Variants in MCF2L2 observed in about 807,000 individuals in gnomAD.
MCF2L2 encodes the protein probable guanine nucleotide exchange factor MCF2L2.
A neutral mutation model predicts 150.2 loss-of-function variants in MCF2L2; 102 were observed. The ratio of observed to expected loss-of-function variants is 0.68; its 90% confidence interval spans 0.58 to 0.80. MCF2L2 has a LOEUF of 0.80. Ranked by LOEUF, MCF2L2 falls within the 30% of genes least tolerant of loss-of-function variation. The probability of loss-of-function intolerance (pLI) is 0.00; values close to 1 mark genes in which losing one functional copy is unlikely to be tolerated. For missense variants in MCF2L2, 1,256 were observed against 1,372.8 expected, an observed-to-expected ratio of 0.91 and a Z score of 1.34; for synonymous variants, 465 against 491.3, an observed-to-expected ratio of 0.95 and a Z score of 0.71.
chr3:183,413,155 T>A (rs1465249633), intron 1 of MCF2L2, among the ~76,000 whole-genome samples: 1 of 152,182 alleles, frequency 6.6e-6, no homozygotes, highest in Non-Finnish European at 1.5e-5. Flanking sequence ...GTATCTATAG[T>A]TGACCTTTGA....
At chr3:183,338,632 A>T (rs148857084) in intron 5 of MCF2L2, among the ~76,000 whole-genome samples, 168 bp downstream of exon 5, 2 of 152,096 alleles carry the variant, frequency 1.3e-5, no homozygotes, top group African/African-American at 4.8e-5. Flanking sequence ...GCCTCAGTCC[A>T]TTGTGTACTT....
intron 14 of MCF2L2, chr3:183,287,430 C>T (rs2108475786): frequency 6.6e-6 from 1 of 152,308 alleles, no homozygotes; most frequent in South Asian, 2.1e-4. Flanking sequence ...ACACAGTCCT[C>T]ACCTTCAGAG....
intron 27 of MCF2L2, 145 bp from the exon 28 acceptor site, chr3:183,180,304 T>A (rs2108625894): frequency 3.2e-6 from 2 of 633,262 alleles, no homozygotes; most frequent in East Asian, 5.2e-5. Context: ...TGCACTGCGC[T>A]GGGCTGTGAG....
At chr3:183,372,820 G>A (rs944981910) in intron 3 of MCF2L2, 1 of 152,300 alleles carries the variant, frequency 6.6e-6, no homozygotes, top group East Asian at 1.9e-4. Flanking sequence ...CCCAGAACTG[G>A]AAGTTAAAAT....
At chr3:183,365,153 C>A (rs1347869146) in intron 3 of MCF2L2, among the ~76,000 whole-genome samples, 2 of 152,064 alleles carry the variant, frequency 1.3e-5, no homozygotes, top group African/African-American at 4.8e-5. Context: ...AAAACTATGT[C>A]AGAAAAAAAT....
At chr3:183,368,925 T>A (rs1036236907) in intron 3 of MCF2L2, among the ~76,000 whole-genome samples, 1 of 152,202 alleles carries the variant, frequency 6.6e-6, no homozygotes, top group African/African-American at 2.4e-5. Flanking sequence ...TATGAACCCA[T>A]GAAATTCATA....
At chr3:183,354,170 A>G (rs149820895) in intron 3 of MCF2L2, among the ~76,000 whole-genome samples, 68 of 152,344 alleles carry the variant, frequency 4.5e-4, no homozygotes, top group African/African-American at 1.6e-3. Context: ...CTTTATAGCA[A>G]TAAGATGCCA....
rs73062721 is a variant in MCF2L2 at position 183,366,573 on chromosome 3, G to A, written c.275+12724C>T. 7.7e-3 allele frequency among the ~76,000 whole-genome samples: 1,167 copies of A among 152,248 alleles called. 17 individuals carry two copies. The highest frequency in any genetic ancestry group is 0.026 in the African/African-American group (1,095 of 41,542). ...GGCAGGAGAATCGCTGGAACCCAGC[G>A]GGGCAAAGGCTGCAGTGAGCCGAGA... On this transcript the variant is annotated intron_variant, in intron 3 of 29. Transcript: ENST00000328913.
At chr3:183,315,782 C>T (rs1729578746) in intron 7 of MCF2L2, among the ~76,000 whole-genome samples, 1 of 152,204 alleles carries the variant, frequency 6.6e-6, no homozygotes, top group African/African-American at 2.4e-5. Flanking sequence ...CCTGTCCCCA[C>T]CCCTCTGCCT....
chr3:183,228,665 C>T (rs949201263), intron 17 of MCF2L2, among the ~76,000 whole-genome samples: 18 of 152,232 alleles, frequency 1.2e-4, no homozygotes, highest in African/African-American at 4.3e-4. Flanking sequence ...GAAATGAGAA[C>T]TACTCAGAAG....
intron 14 of MCF2L2, among the ~76,000 whole-genome samples, chr3:183,288,031 G>A (rs190167211): frequency 1.3e-5 from 2 of 152,308 alleles, no homozygotes; most frequent in Admixed American, 6.5e-5. Flanking sequence ...GAACCCCTTC[G>A]GGGGCTGCTA....
intron 3 of MCF2L2, among the ~76,000 whole-genome samples, chr3:183,359,003 G>GTTTTTTTTTTTTTT (rs111465269): frequency 7.0e-6 from 1 of 143,372 alleles, no homozygotes; most frequent in African/African-American, 2.6e-5. Context: ...AGTTCATTGG[G>GTTTTTTTTTTTTTT]TTTTTTTTTT....
chr3:183,331,243 C>T (rs973793717), intron 5 of MCF2L2, among the ~76,000 whole-genome samples: 3 of 152,186 alleles, frequency 2.0e-5, no homozygotes, highest in Admixed American at 6.5e-5. Context: ...GCCTGCAGAA[C>T]TCCAGTAAAC....
intron 1 of MCF2L2, among the ~76,000 whole-genome samples, chr3:183,416,684 A>C (rs1305399612): frequency 1.3e-5 from 2 of 152,208 alleles, no homozygotes; most frequent in Non-Finnish European, 2.9e-5. Context: ...TGTATCCATG[A>C]ATTCAACCAA....
intron 15 of MCF2L2, among the ~76,000 whole-genome samples, chr3:183,245,655 T>C (rs147400544): frequency 2.6e-5 from 4 of 152,312 alleles, no homozygotes; most frequent in African/African-American, 9.6e-5. Flanking sequence ...GAAAACATGT[T>C]CTTAAGTTTT....
Position 183,389,606 on chromosome 3 carries a change from G to A in MCF2L2, c.160+90C>T, listed in dbSNP as rs76695336. On this transcript the variant is annotated intron_variant, in intron 2 of 29. Coordinates refer to ENST00000328913, the MANE Select transcript of MCF2L2 (RefSeq NM_015078.4). ...AGCCTAAGGGGTGAGTGAGATTTGA[G>A]TATAACATTCCTCAAGGTTCAAGAG... The A allele has an allele frequency of 3.7e-5, 41 of 1,111,580 alleles. No individual in the cohort carries two copies. In the East Asian group the frequency reaches 9.3e-4, roughly 25 times the overall value. The allele number at this position is 1,111,580 out of a possible 1,614,324, so 68.9% of individuals were successfully genotyped here. A position where few individuals can be genotyped will look rare whatever the true frequency, so the allele number is the denominator to read the frequency against.
intron 18 of MCF2L2, chr3:183,225,462 G>A (rs1482616214): frequency 2.0e-5 from 3 of 152,208 alleles, no homozygotes; most frequent in Admixed American, 2.0e-4. Context: ...ATACAAAAGT[G>A]CCCAATTCTC....
At chr3:183,403,330 C>T (rs1714870569) in intron 1 of MCF2L2, among the ~76,000 whole-genome samples, 1 of 152,270 alleles carries the variant, frequency 6.6e-6, no homozygotes. Context: ...AGAGTCTTAG[C>T]GCTCACCGTT....
intron 2 of MCF2L2, 63 bp downstream of exon 2, chr3:183,389,633 C>T: frequency 7.3e-7 from 1 of 1,378,554 alleles, no homozygotes; most frequent in Non-Finnish European, 1.0e-6. Flanking sequence ...GTTCAAGAGG[C>T]TGGACCTTCC....
Sources: gnomAD v4.1 joint callset for allele counts (sites outside exome capture counted in the v4.1 genomes callset) on GRCh38, gnomAD v4.1.1 for gene constraint, MANE v1.5 for transcripts, NCBI Gene and HGNC (gene_info 2026-07-23, HGNC 2026-07-21) for gene names.